Variants in HS3ST2 observed in about 807,000 individuals in gnomAD.
HS3ST2 encodes the protein heparan sulfate-glucosamine 3-sulfotransferase 2.
Under a neutral mutation model 26.3 loss-of-function variants are expected in HS3ST2, and 17 were observed. That is an observed-to-expected ratio of 0.65 (90% confidence interval 0.44 to 0.97). The LOEUF is 0.97. HS3ST2 is among the 50% of genes least tolerant of loss of function. The pLI is 0.00. For missense variants in HS3ST2, 402 were observed against 501.2 expected (o/e 0.80, Z 1.89); for synonymous variants, 237 against 219.2 (o/e 1.08, Z -0.72).
At chr16:22,865,320 C>T (rs1476455945) in intron 1 of HS3ST2, among the ~76,000 whole-genome samples, 5 of 151,800 alleles carry the variant, frequency 3.3e-5, no homozygotes, top group Admixed American at 6.6e-5. Context: ...TTTGGGAGGC[C>T]GAGGAGGGCA....
chr16:22,852,967 A>G (rs1021996682), intron 1 of HS3ST2, among the ~76,000 whole-genome samples: 2 of 152,066 alleles, frequency 1.3e-5, no homozygotes, highest in Non-Finnish European at 2.9e-5. Context: ...TTATAGAAAC[A>G]TTTTTTTCTC....
intron 1 of HS3ST2, among the ~76,000 whole-genome samples, chr16:22,876,380 C>G (rs545332494): frequency 7.2e-5 from 11 of 152,082 alleles, no homozygotes; most frequent in African/African-American, 2.4e-4. Flanking sequence ...CAAGGAAATG[C>G]AAATCAAAAC....
chr16:22,832,741 G>T (rs776943959), intron 1 of HS3ST2, among the ~76,000 whole-genome samples: 1 of 151,308 alleles, frequency 6.6e-6, no homozygotes, highest in Non-Finnish European at 1.5e-5. Context: ...AAGGGGATAC[G>T]AGATGAGGAA....
At chr16:22,882,181 G>A (rs1901997476) in intron 1 of HS3ST2, among the ~76,000 whole-genome samples, 1 of 152,162 alleles carries the variant, frequency 6.6e-6, no homozygotes, top group Admixed American at 6.5e-5. Flanking sequence ...ACAACATGGT[G>A]AGACCTCATC....
intron 1 of HS3ST2, among the ~76,000 whole-genome samples, chr16:22,882,591 G>A (rs145199688): frequency 1.3e-3 from 193 of 152,108 alleles, no homozygotes; most frequent in Non-Finnish European, 2.4e-3. Context: ...AAAATTAGCC[G>A]GGCATGGTGG....
intron 1 of HS3ST2, among the ~76,000 whole-genome samples, chr16:22,881,130 A>AACTTCCCTCGTCTAAAGTC (rs1303526436): frequency 2.0e-5 from 3 of 152,214 alleles, no homozygotes; most frequent in Admixed American, 1.3e-4. Context: ...TCTGGGAAAG[A>AACTTCCCTCGTCTAAAGTC]ACTTCCCTCG....
chr16:22,883,823 C>T (rs1158672416), intron 1 of HS3ST2, among the ~76,000 whole-genome samples: 1 of 152,082 alleles, frequency 6.6e-6, no homozygotes, highest in East Asian at 1.9e-4. Flanking sequence ...TTAGGCATTC[C>T]ATAGCTACTC....
chr16:22,861,699 A>G (rs1037534823), intron 1 of HS3ST2, among the ~76,000 whole-genome samples: 12 of 152,200 alleles, frequency 7.9e-5, no homozygotes, highest in Non-Finnish European at 1.6e-4. Flanking sequence ...ACTTAAAATA[A>G]TACAATGCAC....
intron 1 of HS3ST2, among the ~76,000 whole-genome samples, chr16:22,833,048 CT>C (rs1174409234): frequency 1.3e-5 from 2 of 152,186 alleles, no homozygotes; most frequent in Non-Finnish European, 2.9e-5. Context: ...AGAACCCATG[CT>C]TCCCAGAGGC....
chr16:22,888,257 C>T (rs140006231), intron 1 of HS3ST2, among the ~76,000 whole-genome samples: 1 of 152,134 alleles, frequency 6.6e-6, no homozygotes, highest in Non-Finnish European at 1.5e-5. Context: ...CTAAACCAGT[C>T]GCTATTCTTT....
At chr16:22,854,937 G>GC (rs1239372328) in intron 1 of HS3ST2, among the ~76,000 whole-genome samples, 3 of 152,148 alleles carry the variant, frequency 2.0e-5, no homozygotes, top group African/African-American at 7.2e-5. Flanking sequence ...ACCACACCCA[G>GC]CCTCAAATGC....
chr16:22,874,350 C>T (rs1235481119), intron 1 of HS3ST2, among the ~76,000 whole-genome samples: 1 of 152,220 alleles, frequency 6.6e-6, no homozygotes, highest in African/African-American at 2.4e-5. Context: ...GAGATAAGTT[C>T]AGAAGGTGAG....
chr16:22,884,844 G>A (rs1295711864), intron 1 of HS3ST2, among the ~76,000 whole-genome samples: 1 of 120,772 alleles, frequency 8.3e-6, no homozygotes, highest in East Asian at 2.5e-4. Flanking sequence ...CTCCCTCTCT[G>A]TCTTTTTTTT....
chr16:22,828,424 C>G (rs1182424368), intron 1 of HS3ST2, among the ~76,000 whole-genome samples: 1 of 152,120 alleles, frequency 6.6e-6, no homozygotes, highest in Non-Finnish European at 1.5e-5. Flanking sequence ...AAATTAAGGG[C>G]CTTGTGAGTG....
chr16:22,902,007 A>G (rs1365085499), intron 1 of HS3ST2, among the ~76,000 whole-genome samples: 1 of 152,246 alleles, frequency 6.6e-6, no homozygotes, highest in Non-Finnish European at 1.5e-5. Flanking sequence ...AGCCCAGCCC[A>G]GATCCCCCAA....
intron 1 of HS3ST2, among the ~76,000 whole-genome samples, chr16:22,859,343 TGCCTCTA>T (rs1901645058): frequency 6.6e-6 from 1 of 152,212 alleles, no homozygotes; most frequent in Admixed American, 6.5e-5. Context: ...CTGTGCAAAC[TGCCTCTA>T]ATAATTTTTA....
intron 1 of HS3ST2, among the ~76,000 whole-genome samples, chr16:22,858,373 C>T (rs1567489644): frequency 6.6e-6 from 1 of 150,736 alleles, no homozygotes; most frequent in East Asian, 1.9e-4. Flanking sequence ...AGCTCTTGGA[C>T]TATCAAAAAA....
At chr16:22,876,692 C>T (rs1901924038) in intron 1 of HS3ST2, among the ~76,000 whole-genome samples, 1 of 152,108 alleles carries the variant, frequency 6.6e-6, no homozygotes, top group African/African-American at 2.4e-5. Context: ...ATGTTGATAG[C>T]AGCACAATTT....
intron 1 of HS3ST2, among the ~76,000 whole-genome samples, chr16:22,828,184 C>T (rs1901118245): frequency 6.6e-6 from 1 of 152,216 alleles, no homozygotes; most frequent in African/African-American, 2.4e-5. Context: ...TTGGAGTCTT[C>T]ACTCCCAAAT....
Sources: allele counts gnomAD v4.1 joint callset (sites outside exome capture counted in the v4.1 genomes callset), GRCh38; gene constraint gnomAD v4.1.1; transcripts MANE v1.5; gene names NCBI Gene and HGNC (gene_info 2026-07-23, HGNC 2026-07-21).